The following ACOXL variants were observed in gnomAD, a reference collection of about 807,000 sequenced individuals.
ACOXL encodes the protein acyl-CoA oxidase like.
ACOXL carries 70 observed loss-of-function variants against 71.9 expected under a neutral mutation model. The observed-to-expected ratio is 0.97, with a 90% CI of 0.80 to 1.19. The LOEUF (loss-of-function observed/expected upper bound fraction) is 1.19. Ranked by LOEUF, ACOXL falls within the 50% of genes most tolerant of loss-of-function variation. The pLI is 0.00. For missense variants in ACOXL, 703 were observed against 736.3 expected (o/e 0.95, Z 0.52); for synonymous variants, 253 against 281.6 (o/e 0.90, Z 1.02).
Position 110,819,260 on chromosome 2 carries a change from T to G in ACOXL, c.753+13865T>G, listed in dbSNP as rs1422954776. On this transcript the variant is annotated intron_variant, in intron 9 of 17. Coordinates refer to ENST00000439055, the MANE Select transcript of ACOXL (RefSeq NM_001142807.4). The stretch of plus-strand genomic sequence containing the variant: ...GATTTGGTTGCCTTGCTAAAGATTC[T>G]GCAGTTTATTCTGTTGGCAATAGGG... 2.0e-5 allele frequency among the ~76,000 whole-genome samples: 3 copies of G among 152,230 alleles called. No individual in the cohort carries two copies. In the East Asian group the frequency reaches 5.8e-4, roughly 29 times the overall value.
At chr2:111,011,802 T>G (rs1167287955) in intron 14 of ACOXL, among the ~76,000 whole-genome samples, 1 of 148,986 alleles carries the variant, frequency 6.7e-6, no homozygotes, top group Non-Finnish European at 1.5e-5. Flanking sequence ...GAGAATCACT[T>G]GAGTCCAGTA....
At chr2:110,799,189 C>T (rs1685643073) in intron 7 of ACOXL, 89 bp downstream of exon 7, 48 of 1,338,836 alleles carry the variant, frequency 3.6e-5, no homozygotes, top group East Asian at 4.6e-5. Context: ...GTTATATTAC[C>T]GAAGCACTGA....
At chr2:111,049,882 G>A (rs919406382) in intron 16 of ACOXL, among the ~76,000 whole-genome samples, 6 of 143,900 alleles carry the variant, frequency 4.2e-5, no homozygotes, top group African/African-American at 7.8e-5. Context: ...CCTGCACTTA[G>A]GCTGCCTACC....
At chr2:111,107,558 G>A (rs1558976129) in intron 17 of ACOXL, among the ~76,000 whole-genome samples, 3 of 152,008 alleles carry the variant, frequency 2.0e-5, no homozygotes, top group Non-Finnish European at 4.4e-5. Context: ...GCACGATCTC[G>A]GCTTACCACA....
At chr2:110,938,220 G>A (rs1487972125) in intron 12 of ACOXL, among the ~76,000 whole-genome samples, 1 of 152,226 alleles carries the variant, frequency 6.6e-6, no homozygotes, top group African/African-American at 2.4e-5. Flanking sequence ...CAGGATGAGG[G>A]TGTGGGAGTC....
At chr2:110,980,325 C>T (rs1018225383) in intron 12 of ACOXL, among the ~76,000 whole-genome samples, 1 of 152,248 alleles carries the variant, frequency 6.6e-6, no homozygotes, top group Non-Finnish European at 1.5e-5. Flanking sequence ...CACCAGGGCT[C>T]ACGCCCCTAC....
intron 1 of ACOXL, among the ~76,000 whole-genome samples, chr2:110,752,577 T>G (rs1487552611): frequency 1.3e-5 from 2 of 151,378 alleles, no homozygotes; most frequent in African/African-American, 2.4e-5. Context: ...TGGAATGTGA[T>G]TTTCCTTGGC....
intron 9 of ACOXL, among the ~76,000 whole-genome samples, chr2:110,832,795 A>G (rs1467319588): frequency 6.6e-6 from 1 of 152,250 alleles, no homozygotes; most frequent in Non-Finnish European, 1.5e-5. Flanking sequence ...TCTGAAAAAG[A>G]CATACAGATG....
At chr2:110,797,043 A>G (rs555691794) in intron 5 of ACOXL, among the ~76,000 whole-genome samples, 4 of 152,324 alleles carry the variant, frequency 2.6e-5, no homozygotes, top group African/African-American at 9.6e-5. Flanking sequence ...TGGGCTCCCA[A>G]CTTGCCCCAG....
At chr2:111,034,326 A>G (rs1008860121) in intron 15 of ACOXL, among the ~76,000 whole-genome samples, 2 of 152,256 alleles carry the variant, frequency 1.3e-5, no homozygotes, top group Admixed American at 6.5e-5. Context: ...CTTAGTTCTT[A>G]TAACCAAAGT....
chr2:111,038,854 A>C (rs990104360), intron 15 of ACOXL, among the ~76,000 whole-genome samples: 2 of 152,250 alleles, frequency 1.3e-5, no homozygotes, highest in Non-Finnish European at 2.9e-5. Context: ...ATAACCTTTG[A>C]GCTCACATGA....
chr2:110,796,557 G>A (rs1255033210), intron 5 of ACOXL, among the ~76,000 whole-genome samples: 2 of 152,198 alleles, frequency 1.3e-5, no homozygotes, highest in African/African-American at 4.8e-5. Context: ...GTGGCCTTCT[G>A]CTCCCTTCCC....
intron 3 of ACOXL, among the ~76,000 whole-genome samples, chr2:110,787,270 C>T (rs1260007955): frequency 6.6e-6 from 1 of 152,122 alleles, no homozygotes; most frequent in Non-Finnish European, 1.5e-5. Flanking sequence ...TGCGGTGACT[C>T]ACGCTTGTAA....
chr2:110,993,047 T>G (rs2063243814), intron 13 of ACOXL, among the ~76,000 whole-genome samples: 1 of 152,216 alleles, frequency 6.6e-6, no homozygotes, highest in African/African-American at 2.4e-5. Context: ...CCATTCACCT[T>G]CTCTTTTTGA....
chr2:110,996,018 G>A lies in ACOXL; in HGVS notation c.1281+14G>A, dbSNP rs1209813675. The A allele has an allele frequency of 1.3e-6, 2 of 1,571,266 alleles. No homozygotes were observed. Among genetic ancestry groups the A allele is most frequent in the South Asian group, 1.1e-5 (1 of 90,660 alleles). ...ATTTATTATAAGGTAAAGATACACT[G>A]TGTTATATTTTTCCTTTTGACATGT... is the stretch of plus-strand genomic sequence containing the variant. On this transcript the variant is annotated intron_variant, in intron 14 of 17. Coordinates refer to ENST00000439055, the MANE Select transcript of ACOXL (RefSeq NM_001142807.4).
intron 1 of ACOXL, among the ~76,000 whole-genome samples, chr2:110,756,213 G>T (rs1327525975): frequency 6.6e-6 from 1 of 151,790 alleles, no homozygotes; most frequent in Non-Finnish European, 1.5e-5. Flanking sequence ...TGCAACCTCC[G>T]CCTCCCGGGT....
At chr2:110,995,837 A>G in intron 13 of ACOXL, 56 bp from the exon 14 acceptor site, 1 of 1,387,778 alleles carries the variant, frequency 7.2e-7, no homozygotes, top group African/African-American at 1.4e-5. Context: ...TTTCTTTCAA[A>G]TGAAATTCTT....
intron 10 of ACOXL, among the ~76,000 whole-genome samples, chr2:110,899,994 A>C (rs1384986795): frequency 6.6e-6 from 1 of 151,942 alleles, no homozygotes; most frequent in African/African-American, 2.4e-5. Context: ...CCCTGTCTCT[A>C]CATGGAATTT....
chr2:111,095,379 A>C (rs371494103), intron 17 of ACOXL, among the ~76,000 whole-genome samples: 10 of 135,194 alleles, frequency 7.4e-5, no homozygotes, highest in African/African-American at 1.1e-4. Context: ...TTTTGTATTT[A>C]TTTTTCTTTT....
Sources: allele counts gnomAD v4.1 joint callset (sites outside exome capture counted in the v4.1 genomes callset), GRCh38; gene constraint gnomAD v4.1.1; transcripts MANE v1.5; gene names NCBI Gene and HGNC (gene_info 2026-07-23, HGNC 2026-07-21).